The following ZBTB8A variants were observed in gnomAD, a reference collection of about 807,000 sequenced individuals.
The protein encoded by ZBTB8A is zinc finger and BTB domain-containing protein 8A.
A neutral mutation model predicts 37.8 loss-of-function variants in ZBTB8A; 19 were observed. The ratio of observed to expected loss-of-function variants is 0.50; its 90% CI spans 0.35 to 0.74. The LOEUF is 0.74. Ranked by LOEUF, ZBTB8A falls within the 30% of genes least tolerant of loss-of-function variation. The pLI is 0.01. For synonymous variants in ZBTB8A, 181 were observed against 185.2 expected, an observed-to-expected ratio of 0.98 and a Z score of 0.19; for missense variants, 394 against 537.8, an observed-to-expected ratio of 0.73 and a Z score of 2.65.
At chr1:32,575,693 T>TAA (rs551092987) in intron 2 of ZBTB8A, among the ~76,000 whole-genome samples, 120 of 139,110 alleles carry the variant, frequency 8.6e-4, no homozygotes, top group African/African-American at 3.1e-3. Context: ...TGCAAAAAAT[T>TAA]AAAAAAAAAA....
At chr1:32,591,189 G>A (rs1197447698) in intron 2 of ZBTB8A, among the ~76,000 whole-genome samples, 2 of 151,190 alleles carry the variant, frequency 1.3e-5, no homozygotes. Context: ...GATTACAGGT[G>A]TGAGCCACCA....
At chr1:32,556,738 G>A (rs1313116035) in intron 2 of ZBTB8A, among the ~76,000 whole-genome samples, 7 of 151,984 alleles carry the variant, frequency 4.6e-5, no homozygotes, top group African/African-American at 1.2e-4. Flanking sequence ...TTAGCCGGGC[G>A]TGGTGGCGGG....
intron 1 of ZBTB8A, among the ~76,000 whole-genome samples, chr1:32,549,103 G>A (rs1285147701): frequency 3.3e-5 from 5 of 152,046 alleles, no homozygotes; most frequent in Non-Finnish European, 7.4e-5. Context: ...AGACAGAATC[G>A]CTTGAACCCG....
intron 2 of ZBTB8A, among the ~76,000 whole-genome samples, chr1:32,559,441 T>A (rs1171913450): frequency 1.3e-5 from 2 of 151,764 alleles, no homozygotes; most frequent in Non-Finnish European, 2.9e-5. Flanking sequence ...TGGAACTTAA[T>A]CCTCAAGGTG....
chr1:32,594,951 TA>T lies in ZBTB8A; in HGVS notation c.824-102del, dbSNP rs925293946. The T allele has an allele frequency of 4.3e-6, 5 of 1,158,816 alleles. No individual in the cohort carries two copies. In the Admixed American group the frequency reaches 9.2e-5, roughly 21 times the overall value. 71.8% of individuals were successfully genotyped at this position (1,158,816 alleles called of 1,614,324 possible). A position where few individuals can be genotyped will look rare whatever the true frequency, so the allele number is the denominator to read the frequency against. ...CTTTTTATTTCTTTTTTTTTAAGTT[TA>T]TTTTTTTCTTTCCTTGTTTCCATTG... is the stretch of plus-strand genomic sequence containing the variant. On this transcript the variant is annotated intron_variant, in intron 3 of 4. Transcript: ENST00000373510.
chr1:32,577,556 T>G (rs1411465152), intron 2 of ZBTB8A, among the ~76,000 whole-genome samples: 1 of 150,958 alleles, frequency 6.6e-6, no homozygotes, highest in Admixed American at 6.6e-5. Context: ...TAAGCCCATC[T>G]AATGCATTTT....
intron 2 of ZBTB8A, among the ~76,000 whole-genome samples, chr1:32,588,174 A>C (rs1468599034): frequency 2.6e-5 from 4 of 152,110 alleles, no homozygotes; most frequent in African/African-American, 9.7e-5. Flanking sequence ...AATCAAACTT[A>C]AGGAGGGCGT....
chr1:32,593,757 A>G lies in ZBTB8A; in HGVS notation c.823+3A>G, dbSNP rs1171963715. On this transcript the variant is annotated splice_donor_region_variant and intron_variant, in intron 3 of 4. Coordinates refer to ENST00000373510, the MANE Select transcript of ZBTB8A (RefSeq NM_001040441.3). ...TGTCACATCCAAAAGCTTTCCAGGT[A>G]CCCAAAAAGAGCATAAGTCCCCTCA... 2 of 1,602,824 alleles carry G rather than the reference A, an allele frequency of 1.2e-6. No homozygotes were observed. The highest frequency in any genetic ancestry group is 3.4e-5 in the Admixed American group (2 of 58,174).
chr1:32,568,771 T>C (rs1644303786), intron 2 of ZBTB8A, among the ~76,000 whole-genome samples: 1 of 152,222 alleles, frequency 6.6e-6, no homozygotes, highest in Non-Finnish European at 1.5e-5. Context: ...CCTAATGATT[T>C]TGAGAGTCAT....
chr1:32,600,080 T>C lies in ZBTB8A; in HGVS notation c.994-7T>C. The C allele has an allele frequency of 6.2e-7, 1 of 1,608,432 alleles. No homozygotes were observed. Among genetic ancestry groups the C allele is most frequent in the Non-Finnish European group, 8.5e-7 (1 of 1,176,030 alleles). ...TCACTTTTATCACTATTTAAATCTC[T>C]ACACAGATTCACCAGGCATGTAAAC... On this transcript the variant is annotated splice_region_variant and splice_polypyrimidine_tract_variant and intron_variant, in intron 4 of 4. Transcript: ENST00000373510.
rs981375850 is a variant in ZBTB8A at position 32,566,283 on chromosome 1, G to A, written c.-2+12743G>A. On this transcript the variant is annotated intron_variant, in intron 2 of 4. Transcript: ENST00000373510. Reference sequence around the variant, plus strand: ...AATCCCAGCACTTTGGGAGGCCAAGGTAGTTGGATCACTTGAGCCCAGAGG... The same window carrying A: ...AATCCCAGCACTTTGGGAGGCCAAGATAGTTGGATCACTTGAGCCCAGAGG... 4.6e-5 allele frequency among the ~76,000 whole-genome samples: 7 copies of A among 152,028 alleles called. No individual in the cohort carries two copies. In the South Asian group the frequency reaches 6.2e-4, roughly 14 times the overall value.
intron 2 of ZBTB8A, among the ~76,000 whole-genome samples, chr1:32,577,790 C>A (rs1175078897): frequency 4.6e-5 from 7 of 151,560 alleles, no homozygotes; most frequent in Non-Finnish European, 1.0e-4. Context: ...ACCAAGTTGT[C>A]CAGACTGGTC....
At chr1:32,577,544 A>G (rs1179888552) in intron 2 of ZBTB8A, among the ~76,000 whole-genome samples, 3 of 128,926 alleles carry the variant, frequency 2.3e-5, no homozygotes, top group African/African-American at 5.9e-5. Flanking sequence ...ATAATCTCTT[A>G]TTAAGCCCAT....
intron 2 of ZBTB8A, among the ~76,000 whole-genome samples, chr1:32,554,215 A>AC (rs961560188): frequency 3.3e-5 from 5 of 151,554 alleles, no homozygotes; most frequent in African/African-American, 1.2e-4. Context: ...AAAAAAAAAA[A>AC]AAAGGGTAAA....
At chr1:32,590,336 A>G (rs1263955453) in intron 2 of ZBTB8A, among the ~76,000 whole-genome samples, 1 of 151,956 alleles carries the variant, frequency 6.6e-6, no homozygotes, top group East Asian at 1.9e-4. Flanking sequence ...TATCTCACCT[A>G]AGGCCTTTTT....
At chr1:32,550,957 CAAA>C (rs530419945) in intron 1 of ZBTB8A, among the ~76,000 whole-genome samples, 8 of 69,180 alleles carry the variant, frequency 1.2e-4, no homozygotes, top group Admixed American at 4.9e-4. Flanking sequence ...GACTCCGTCT[CAAA>C]AAAAAAAAAA....
chr1:32,603,598 G>A lies in ZBTB8A; in HGVS notation c.*3179G>A, dbSNP rs1644594660. On this transcript the variant is annotated 3_prime_UTR_variant, in exon 5 of 5. Coordinates refer to ENST00000373510, the MANE Select transcript of ZBTB8A (RefSeq NM_001040441.3). The stretch of plus-strand genomic sequence containing the variant: ...TTTGAACTTTTTTCCTATAAATGAA[G>A]TAGTGCTTGCATGTGTGTACTCTAA... 6.6e-6 allele frequency: 1 copy of A among 152,646 alleles called. No individual in the cohort carries two copies. The highest frequency in any genetic ancestry group is 2.1e-4 in the South Asian group (1 of 4,832). The allele number at this position is 152,646 out of a possible 1,614,324, so 9.5% of individuals were successfully genotyped here. A position where few individuals can be genotyped will look rare whatever the true frequency, so the allele number is the denominator to read the frequency against.
intron 2 of ZBTB8A, among the ~76,000 whole-genome samples, chr1:32,569,181 G>A (rs907832909): frequency 3.3e-5 from 5 of 151,922 alleles, no homozygotes; most frequent in South Asian, 2.1e-4. Context: ...ACATTTCCTC[G>A]TGGTTTTAAT....
intron 2 of ZBTB8A, among the ~76,000 whole-genome samples, chr1:32,575,377 C>T (rs1459640905): frequency 6.6e-6 from 1 of 151,612 alleles, no homozygotes; most frequent in Non-Finnish European, 1.5e-5. Context: ...CAGGTGCTTG[C>T]CACCACACCT....
Sources: allele counts gnomAD v4.1 joint callset (sites outside exome capture counted in the v4.1 genomes callset), GRCh38; gene constraint gnomAD v4.1.1; transcripts MANE v1.5; gene names NCBI Gene and HGNC (gene_info 2026-07-23, HGNC 2026-07-21).